Variants in ASCC3 observed in about 807,000 individuals in gnomAD.
The protein encoded by ASCC3 is activating signal cointegrator 1 complex subunit 3.
ASCC3 carries 158 observed loss-of-function variants against 256.3 expected under a neutral mutation model. The ratio of observed to expected loss-of-function variants is 0.62; its 90% CI spans 0.54 to 0.70. The LOEUF is 0.70. Ranked by LOEUF, ASCC3 falls within the 30% of genes least tolerant of loss-of-function variation. The pLI, the probability that ASCC3 is intolerant of heterozygous loss-of-function variation, is 0.00. For missense variants in ASCC3, 2,259 were observed against 2,626.0 expected (o/e 0.86, Z 3.05); for synonymous variants, 948 against 883.4 (o/e 1.07, Z -1.30).
chr6:100,539,117 C>T (rs1185790668), intron 37 of ASCC3, among the ~76,000 whole-genome samples: 1 of 152,066 alleles, frequency 6.6e-6, no homozygotes, highest in Admixed American at 6.5e-5. Flanking sequence ...GAAAAATATT[C>T]AATATCTGAC....
In ASCC3 at chr6:100,732,475, T is replaced by C. The variant is rs144447806; in HGVS notation, c.1738-6772A>G. Among the ~76,000 whole-genome samples, 222 of 152,334 alleles carry C rather than the reference T, an allele frequency of 1.5e-3. 1 individual carries two copies. The highest frequency in any genetic ancestry group is 5.2e-3 in the African/African-American group (216 of 41,588). On this transcript the variant is annotated intron_variant, in intron 10 of 41. Transcript: ENST00000369162. The stretch of plus-strand genomic sequence containing the variant: ...CTGAAAATGACCGTTAATTAAGAAA[T>C]AGATGTTTTCATAGTTCCTTATTGT...
At chr6:100,805,650 TA>T (rs1255323760) in intron 5 of ASCC3, 109 bp downstream of exon 5, 2 of 1,288,812 alleles carry the variant, frequency 1.6e-6, no homozygotes, top group Non-Finnish European at 2.1e-6. Flanking sequence ...GTAATATCAG[TA>T]AATTATATAA....
intron 3 of ASCC3, among the ~76,000 whole-genome samples, chr6:100,860,018 A>G (rs1773144924): frequency 6.6e-6 from 1 of 152,000 alleles, no homozygotes; most frequent in African/African-American, 2.4e-5. Flanking sequence ...CCACTTGTCC[A>G]CTACTCTTGG....
At chr6:100,602,510 TAGAGTA>T (rs1772672605) in intron 33 of ASCC3, among the ~76,000 whole-genome samples, 1 of 150,490 alleles carries the variant, frequency 6.6e-6, no homozygotes, top group South Asian at 2.1e-4. Context: ...CCACGAGAGG[TAGAGTA>T]AGAGCAGGCA....
At chr6:100,620,612 T>C (rs1773901574) in intron 30 of ASCC3, among the ~76,000 whole-genome samples, 2 of 152,154 alleles carry the variant, frequency 1.3e-5, no homozygotes, top group African/African-American at 4.8e-5. Flanking sequence ...TTAAGGTCAC[T>C]GAACAGCAGA....
At chr6:100,755,329 C>T in intron 10 of ASCC3, among the ~76,000 whole-genome samples, 1 of 151,302 alleles carries the variant, frequency 6.6e-6, no homozygotes, top group Admixed American at 6.6e-5. Flanking sequence ...GCACTGTAAT[C>T]TCTATTATAT....
At chr6:100,817,558 C>T (rs1158861082) in intron 4 of ASCC3, among the ~76,000 whole-genome samples, 1 of 151,828 alleles carries the variant, frequency 6.6e-6, no homozygotes, top group African/African-American at 2.4e-5. Context: ...AGAGAGAAGA[C>T]TCAAATTAGT....
At chr6:100,686,283 T>C (rs1248032411) in intron 13 of ASCC3, among the ~76,000 whole-genome samples, 1 of 152,210 alleles carries the variant, frequency 6.6e-6, no homozygotes, top group East Asian at 1.9e-4. Flanking sequence ...TATAATATAC[T>C]GTATTAATTT....
chr6:100,694,313 A>G lies in ASCC3; in HGVS notation c.2152-14561T>C, dbSNP rs2114989061. Among the ~76,000 whole-genome samples, 2 of 137,400 alleles carry G rather than the reference A, an allele frequency of 1.5e-5. 1 individual carries two copies. The highest frequency in any genetic ancestry group is 5.2e-4 in the South Asian group (2 of 3,814). 90.1% of individuals were successfully genotyped at this position (137,400 alleles called of 152,430 possible). ...GAGACCCCATCTCTAGAATAAATTA[A>G]AAAAAAAAAAAAAGCTGGGCACAGT... On this transcript the variant is annotated intron_variant, in intron 13 of 41. Coordinates refer to ENST00000369162, the MANE Select transcript of ASCC3 (RefSeq NM_006828.4).
Position 100,608,243 on chromosome 6 carries a change from ATATATATACTT to A in ASCC3, c.4786-1166_4786-1156del, listed in dbSNP as rs1459712745. Among the ~76,000 whole-genome samples the A allele has an allele frequency of 2.3e-3, 81 of 35,386 alleles. 15 individuals are homozygous for A. Among genetic ancestry groups the A allele is most frequent in the South Asian group, 8.6e-3 (15 of 1,736 alleles). 23.2% of individuals were successfully genotyped at this position (35,386 alleles called of 152,430 possible). On this transcript the variant is annotated intron_variant, in intron 30 of 41. Coordinates refer to ENST00000369162, the MANE Select transcript of ASCC3 (RefSeq NM_006828.4). The stretch of plus-strand genomic sequence containing the variant: ...ATATACTTTATATACTTTATACTTT[ATATATATACTT>A]TATATATACTTTATATATATACTTT...
chr6:100,727,025 C>T (rs1270469294), intron 10 of ASCC3, among the ~76,000 whole-genome samples: 1 of 151,970 alleles, frequency 6.6e-6, no homozygotes, highest in Non-Finnish European at 1.5e-5. Context: ...GACAGCAAAA[C>T]CAAAGGACCT....
chr6:100,599,463 C>T (rs549440689), intron 34 of ASCC3, among the ~76,000 whole-genome samples: 31 of 152,164 alleles, frequency 2.0e-4, no homozygotes, highest in African/African-American at 7.2e-4. Flanking sequence ...GGGTACTTAA[C>T]TGGATCTTGG....
chr6:100,783,350 T>A (rs943961188), intron 8 of ASCC3, among the ~76,000 whole-genome samples: 1 of 152,176 alleles, frequency 6.6e-6, no homozygotes, highest in Non-Finnish European at 1.5e-5. Flanking sequence ...ACCTCCAATA[T>A]TTGTGACATC....
chr6:100,872,839 G>T (rs1326209561), intron 1 of ASCC3, among the ~76,000 whole-genome samples: 2 of 152,168 alleles, frequency 1.3e-5, no homozygotes, highest in Admixed American at 6.5e-5. Context: ...GGAAAAGGGG[G>T]AGAATATCAT....
At chr6:100,653,720 A>G (rs1003057177) in intron 17 of ASCC3, among the ~76,000 whole-genome samples, 6 of 152,052 alleles carry the variant, frequency 3.9e-5, no homozygotes, top group African/African-American at 1.4e-4. Flanking sequence ...TCTAAAGTAA[A>G]TAAAGTTGAC....
At chr6:100,702,450 C>T (rs12193960) in intron 13 of ASCC3, among the ~76,000 whole-genome samples, 66,754 of 151,938 alleles carry the variant, frequency 0.44, 14,887 homozygotes, top group South Asian at 0.6. Flanking sequence ...GTATTTGAGA[C>T]ACCCAAGAGA....
intron 10 of ASCC3, among the ~76,000 whole-genome samples, chr6:100,729,375 C>T (rs928331835): frequency 1.3e-5 from 2 of 152,096 alleles, no homozygotes; most frequent in African/African-American, 4.8e-5. Context: ...AAGAAGATCT[C>T]GAACAAAGAT....
chr6:100,716,268 G>T lies in ASCC3; in HGVS notation c.2080-735C>A, dbSNP rs143590594. Among the ~76,000 whole-genome samples, 120 of 151,778 alleles carry T rather than the reference G, an allele frequency of 7.9e-4. 1 individual carries two copies. The highest frequency in any genetic ancestry group is 2.7e-3 in the African/African-American group (112 of 41,502). On this transcript the variant is annotated intron_variant, in intron 12 of 41. Transcript: ENST00000369162. ...AATGTATTATGCCCACATATGCCCA[G>T]AAAATATGTAAATCTACTATGTATC...
At chr6:100,580,932 T>G (rs547432042) in intron 36 of ASCC3, among the ~76,000 whole-genome samples, 5,178 of 152,228 alleles carry the variant, frequency 0.034, 270 homozygotes, top group African/African-American at 0.12. Flanking sequence ...TATGGCTGCA[T>G]AGTATTCCAT....
Sources: gnomAD v4.1 joint callset for allele counts (sites outside exome capture counted in the v4.1 genomes callset) on GRCh38, gnomAD v4.1.1 for gene constraint, MANE v1.5 for transcripts, NCBI Gene and HGNC (gene_info 2026-07-23, HGNC 2026-07-21) for gene names.